ERICH1: variants seen among roughly 807,000 people sequenced by gnomAD.
The protein encoded by ERICH1 is glutamate rich 1.
In ERICH1, 56 loss-of-function variants were observed where a neutral mutation model predicts 39.6. That is an observed-to-expected ratio of 1.41 (90% CI 1.14 to 1.77). The LOEUF (loss-of-function observed/expected upper bound fraction) is 1.77, where lower values mean the gene tolerates loss of function less well. ERICH1 is among the 40% of genes most tolerant of loss of function. The pLI, the probability that ERICH1 is intolerant of heterozygous loss-of-function variation, is 0.00. For missense variants in ERICH1, 826 were observed against 575.4 expected (o/e 1.44, Z -4.45); for synonymous variants, 313 against 223.6 (o/e 1.40, Z -3.57).
At chr8:675,780 GCCCCTCGGCGAGGACAGAGACGCGGCGC>G (rs1804587555) in intron 3 of ERICH1, among the ~76,000 whole-genome samples, 1 of 3,364 alleles carries the variant, frequency 3.0e-4, no homozygotes, top group Non-Finnish European at 5.1e-4. Context: ...AGACGCGGCG[GCCCCTCGGCGAGGACAGAGACGCGGCGC>G]CCCCTCGGCG....
intron 1 of ERICH1, among the ~76,000 whole-genome samples, chr8:726,291 C>T (rs530117808): frequency 1.3e-5 from 2 of 152,302 alleles, no homozygotes; most frequent in African/African-American, 4.8e-5. Context: ...CACACACAGA[C>T]ACGCATGTAC....
At chr8:620,590 G>C (rs116295456) in intron 3 of ERICH1, among the ~76,000 whole-genome samples, 2 of 151,950 alleles carry the variant, frequency 1.3e-5, no homozygotes, top group African/African-American at 4.8e-5. Flanking sequence ...CAAATGAGTT[G>C]AAAGTTAAAG....
In ERICH1 at chr8:634,912, A is replaced by T. The variant is rs1584976840; in HGVS notation, c.977-19628T>A. 3.3e-5 allele frequency among the ~76,000 whole-genome samples: 5 copies of T among 152,174 alleles called. No individual in the cohort carries two copies. The Middle Eastern group carries it at 0.014, about 414-fold the overall frequency. On this transcript the variant is annotated intron_variant, in intron 3 of 3. Coordinates refer to the ERICH1 transcript ENST00000522706. ...GGTAACAGGGCAGCGTCCCGCAAGGACCTTGGGAGCTGGGGCTGTGGCTGC... is the reference window on the plus strand; with the variant it reads ...GGTAACAGGGCAGCGTCCCGCAAGGTCCTTGGGAGCTGGGGCTGTGGCTGC...
intron 3 of ERICH1, among the ~76,000 whole-genome samples, chr8:674,916 T>C (rs1438859117): frequency 1.3e-5 from 2 of 152,216 alleles, no homozygotes; most frequent in African/African-American, 4.8e-5. Flanking sequence ...TCCAATCTGC[T>C]CATTTCCCTG....
At chr8:670,793 C>T (rs1191788212) in intron 4 of ERICH1, among the ~76,000 whole-genome samples, 1 of 152,180 alleles carries the variant, frequency 6.6e-6, no homozygotes, top group Non-Finnish European at 1.5e-5. Flanking sequence ...CCCCCTGGCC[C>T]CAGGTCCAAC....
chr8:705,694 A>T (rs1048762574), intron 2 of ERICH1, among the ~76,000 whole-genome samples: 4 of 152,192 alleles, frequency 2.6e-5, no homozygotes, highest in Admixed American at 2.6e-4. Context: ...GTCAACAACA[A>T]CAACAACAAA....
At chr8:711,592 G>C (rs538669534) in intron 2 of ERICH1, among the ~76,000 whole-genome samples, 1 of 152,046 alleles carries the variant, frequency 6.6e-6, no homozygotes, top group South Asian at 2.1e-4. Flanking sequence ...TCTGCTCCTG[G>C]GTTCAAGCAA....
intron 3 of ERICH1, among the ~76,000 whole-genome samples, chr8:618,621 C>G (rs1165728876): frequency 6.6e-6 from 1 of 152,232 alleles, no homozygotes; most frequent in Non-Finnish European, 1.5e-5. Context: ...CAGGCCTCAG[C>G]TGTGAAATGG....
intron 3 of ERICH1, chr8:626,915 G>A: frequency 3.0e-6 from 1 of 336,112 alleles, no homozygotes; most frequent in Non-Finnish European, 6.0e-6. Flanking sequence ...CTAGAGTAAG[G>A]TACCTTCCAG....
intron 1 of ERICH1, 75 bp downstream of exon 1, chr8:731,065 C>A: frequency 2.9e-6 from 4 of 1,374,936 alleles, no homozygotes; most frequent in Non-Finnish European, 2.8e-6. Flanking sequence ...GGGTCGGGGT[C>A]CCGAGTCAAC....
intron 3 of ERICH1, among the ~76,000 whole-genome samples, chr8:687,325 A>C (rs1405169977): frequency 6.6e-6 from 1 of 152,176 alleles, no homozygotes; most frequent in Non-Finnish European, 1.5e-5. Context: ...TTTATACATA[A>C]TCATTCAACG....
intron 2 of ERICH1, among the ~76,000 whole-genome samples, chr8:702,148 T>C (rs186178670): frequency 2.0e-5 from 3 of 147,418 alleles, no homozygotes; most frequent in Admixed American, 6.8e-5. Context: ...TTGAAGCATC[T>C]AAAGAACCCC....
intron 3 of ERICH1, among the ~76,000 whole-genome samples, chr8:616,749 G>A (rs1305189809): frequency 8.2e-6 from 1 of 122,514 alleles, no homozygotes; most frequent in East Asian, 2.7e-4. Context: ...GGAGAGAGAG[G>A]GACAAAGGGA....
chr8:629,377 ACTCTCC>A (rs1288335919), intron 3 of ERICH1, among the ~76,000 whole-genome samples: 1 of 148,492 alleles, frequency 6.7e-6, no homozygotes, highest in Non-Finnish European at 1.5e-5. Flanking sequence ...GCTGACTCAC[ACTCTCC>A]TGTGACCACC....
At chr8:652,069 G>A (rs191804278) in intron 3 of ERICH1, among the ~76,000 whole-genome samples, 40 of 152,268 alleles carry the variant, frequency 2.6e-4, no homozygotes, top group Non-Finnish European at 1.3e-4. Flanking sequence ...GCGGGCGCTG[G>A]GGCATCTCTG....
In ERICH1 at chr8:673,663, C is replaced by G. The variant is rs201787201; in HGVS notation, c.689G>C (p.Arg230Thr). The stretch of plus-strand genomic sequence containing the variant: ...GCTAGCGTCCGCACCATCTTCCTCC[C>G]TGGTATCTTTAACGTCTTCCTCCCC... ...LAGEEDVKDT[R>T]EEDGADASEE... Residue 230 changes from arginine to threonine, a missense_variant, in exon 4 of 6, where the codon AGG (arginine) becomes ACG (threonine). Arg to Thr is a moderately conservative substitution (Grantham distance 71). Transcript: ENST00000262109. 1.2e-6 allele frequency: 2 copies of G among 1,612,896 alleles called. No homozygotes were observed. The highest frequency in any genetic ancestry group is 4.5e-5 in the East Asian group (2 of 44,836).
At chr8:705,895 A>G (rs1418006649) in intron 2 of ERICH1, among the ~76,000 whole-genome samples, 2 of 152,194 alleles carry the variant, frequency 1.3e-5, no homozygotes, top group Non-Finnish European at 2.9e-5. Context: ...GAAGATGGTA[A>G]CACTGCACTT....
intron 2 of ERICH1, among the ~76,000 whole-genome samples, chr8:703,063 G>A (rs1812511455): frequency 6.6e-6 from 1 of 152,214 alleles, no homozygotes; most frequent in Non-Finnish European, 1.5e-5. Context: ...CCAGGAGCTG[G>A]AAACTAAAAG....
intron 2 of ERICH1, among the ~76,000 whole-genome samples, chr8:695,423 C>G (rs990393843): frequency 6.6e-6 from 1 of 152,062 alleles, no homozygotes; most frequent in Non-Finnish European, 1.5e-5. Context: ...CAGATCCTTA[C>G]GCCGCTCACC....
Sources: gnomAD v4.1 joint callset for allele counts (sites outside exome capture counted in the v4.1 genomes callset) on GRCh38, gnomAD v4.1.1 for gene constraint, MANE v1.5 for transcripts, NCBI Gene and HGNC (gene_info 2026-07-23, HGNC 2026-07-21) for gene names.